Variants in RAB10 observed in about 807,000 individuals in gnomAD.
RAB10 encodes the protein RAB10, member RAS oncogene family, also known as ras-related protein Rab-10.
A neutral mutation model predicts 25.7 loss-of-function variants in RAB10; 5 were observed. That is an observed-to-expected ratio of 0.19 (90% CI 0.10 to 0.41). RAB10 has a LOEUF of 0.41. Ranked by LOEUF, RAB10 falls within the 10% of genes least tolerant of loss-of-function variation. The probability of loss-of-function intolerance (pLI) is 1.00; values close to 1 mark genes in which losing one functional copy is unlikely to be tolerated. For missense variants in RAB10, 103 were observed against 245.8 expected (o/e 0.42, Z 3.89); for synonymous variants, 89 against 86.4 (o/e 1.03, Z -0.16).
At chr2:26,097,885 T>C (rs549811098) in intron 1 of RAB10, among the ~76,000 whole-genome samples, 2 of 152,318 alleles carry the variant, frequency 1.3e-5, no homozygotes, top group Non-Finnish European at 2.9e-5. Context: ...TAAACATTTG[T>C]ATTTTTATCC....
chr2:26,039,806 AGTTCAAGACCAG>A, intron 1 of RAB10, among the ~76,000 whole-genome samples: 1 of 151,968 alleles, frequency 6.6e-6, no homozygotes, highest in Admixed American at 6.6e-5. Flanking sequence ...TGGGCCCAAG[AGTTCAAGACCAG>A]CCTGGGCAAC....
chr2:26,088,990 T>C (rs1469252863), intron 1 of RAB10, among the ~76,000 whole-genome samples: 1 of 152,050 alleles, frequency 6.6e-6, no homozygotes, highest in Non-Finnish European at 1.5e-5. Flanking sequence ...AAGTACACAC[T>C]AATGAAACCA....
chr2:26,089,487 A>G (rs1667059054), intron 1 of RAB10, among the ~76,000 whole-genome samples: 2 of 151,614 alleles, frequency 1.3e-5, no homozygotes, highest in Non-Finnish European at 2.9e-5. Flanking sequence ...GAGAGAATGC[A>G]TTTGTAAACA....
intron 1 of RAB10, among the ~76,000 whole-genome samples, chr2:26,058,404 A>G (rs1049566007): frequency 6.6e-6 from 1 of 151,884 alleles, no homozygotes; most frequent in African/African-American, 2.4e-5. Flanking sequence ...CCGTGTCCTT[A>G]CATGATATCC....
At chr2:26,065,863 G>A (rs1666502367) in intron 1 of RAB10, among the ~76,000 whole-genome samples, 1 of 152,064 alleles carries the variant, frequency 6.6e-6, no homozygotes, top group Admixed American at 6.6e-5. Flanking sequence ...ATATAGTTAT[G>A]AGTAATGTAT....
At chr2:26,094,453 T>C (rs1187046278) in intron 1 of RAB10, among the ~76,000 whole-genome samples, 1 of 151,330 alleles carries the variant, frequency 6.6e-6, no homozygotes, top group African/African-American at 2.4e-5. Context: ...GGTTTCACCA[T>C]GTTGGCTAGG....
At chr2:26,100,712 CT>C (rs1198072020) in intron 2 of RAB10, among the ~76,000 whole-genome samples, 2 of 152,102 alleles carry the variant, frequency 1.3e-5, no homozygotes, top group African/African-American at 4.8e-5. Context: ...TATTCCTTAC[CT>C]TATAAATTAG....
chr2:26,126,558 A>G (rs1667907271), intron 3 of RAB10, among the ~76,000 whole-genome samples: 1 of 152,090 alleles, frequency 6.6e-6, no homozygotes, highest in Non-Finnish European at 1.5e-5. Context: ...ACACCACTGC[A>G]CTCCAGCCTG....
chr2:26,043,079 A>ATT, intron 1 of RAB10, among the ~76,000 whole-genome samples: 1 of 152,296 alleles, frequency 6.6e-6, no homozygotes, highest in South Asian at 2.1e-4. Flanking sequence ...AAATGAAATT[A>ATT]CCATATGATC....
At chr2:26,090,127 A>G (rs2149277153) in intron 1 of RAB10, among the ~76,000 whole-genome samples, 1 of 152,074 alleles carries the variant, frequency 6.6e-6, no homozygotes, top group East Asian at 1.9e-4. Flanking sequence ...AATGGATTTC[A>G]TTTCTTCCTC....
intron 1 of RAB10, among the ~76,000 whole-genome samples, chr2:26,061,092 C>CTTTTTTTTTTTTTTTTTTTTTTTTTTTT (rs5829993): frequency 1.9e-4 from 16 of 83,634 alleles, no homozygotes; most frequent in East Asian, 4.4e-4. Flanking sequence ...TTATCTCTGT[C>CTTTTTTTTTTTTTTTTTTTTTTTTTTTT]TTTTTTTTTT....
At chr2:26,078,110 G>A (rs1666779191) in intron 1 of RAB10, among the ~76,000 whole-genome samples, 1 of 152,110 alleles carries the variant, frequency 6.6e-6, no homozygotes, top group Non-Finnish European at 1.5e-5. Context: ...GAATACCTAG[G>A]AATAGATTTA....
chr2:26,047,464 G>A (rs1328057045), intron 1 of RAB10, among the ~76,000 whole-genome samples: 3 of 151,684 alleles, frequency 2.0e-5, no homozygotes, highest in South Asian at 4.1e-4. Context: ...CGCCTAGGCT[G>A]GAGTGCAGTG....
chr2:26,056,111 G>A (rs1666259143), intron 1 of RAB10, among the ~76,000 whole-genome samples: 2 of 151,478 alleles, frequency 1.3e-5, no homozygotes, highest in African/African-American at 2.4e-5. Flanking sequence ...GGCTAGTCTC[G>A]AACTCTTGAA....
intron 1 of RAB10, among the ~76,000 whole-genome samples, chr2:26,092,300 TGTGTGTGTGTGTG>T (rs1667125789): frequency 7.3e-6 from 1 of 136,168 alleles, no homozygotes; most frequent in African/African-American, 3.3e-5. Context: ...TGTGTGTGTG[TGTGTGTGTGTGTG>T]TGTGTGTGTT....
intron 5 of RAB10, among the ~76,000 whole-genome samples, chr2:26,132,544 C>T (rs1191941436): frequency 4.6e-5 from 7 of 152,196 alleles, no homozygotes; most frequent in Admixed American, 1.3e-4. Context: ...TGAGCCACCA[C>T]GCGTGACCTG....
intron 1 of RAB10, among the ~76,000 whole-genome samples, chr2:26,052,991 G>C (rs947998420): frequency 1.3e-5 from 2 of 152,100 alleles, no homozygotes; most frequent in African/African-American, 4.8e-5. Flanking sequence ...TTGTAAGCTT[G>C]TTTTCATCTA....
At position 26,045,534 on chromosome 2, in the gene RAB10, C is replaced by T. The variant is rs181399291; in HGVS notation, c.127+10799C>T. On this transcript the variant is annotated intron_variant, in intron 1 of 5. Transcript: ENST00000264710. ...GATTACAGGCGTGAGCCACCGCGCC[C>T]GGCCGTCTAACAGTAGAAGGTTGCC... is the stretch of plus-strand genomic sequence containing the variant. Among the ~76,000 whole-genome samples the T allele has an allele frequency of 1.0e-3, 154 of 148,400 alleles. 1 individual carries two copies. The East Asian group carries it at 0.023, about 22-fold the overall frequency.
chr2:26,035,336 A>G (rs924475249), intron 1 of RAB10, among the ~76,000 whole-genome samples: 8 of 152,238 alleles, frequency 5.3e-5, no homozygotes, highest in African/African-American at 1.9e-4. Flanking sequence ...CGAGACATCA[A>G]CAGAAGCAGT....
Sources: allele counts gnomAD v4.1 joint callset (sites outside exome capture counted in the v4.1 genomes callset), GRCh38; gene constraint gnomAD v4.1.1; transcripts MANE v1.5; gene names NCBI Gene and HGNC (gene_info 2026-07-23, HGNC 2026-07-21).